ALDH1A2: variants seen among roughly 807,000 people sequenced by gnomAD.
ALDH1A2 encodes aldehyde dehydrogenase 1 family member A2.
A neutral mutation model predicts 60.3 loss-of-function variants in ALDH1A2; 27 were observed. That is an observed-to-expected ratio of 0.45 (90% confidence interval 0.33 to 0.62). The LOEUF is 0.62. ALDH1A2 is among the 20% of genes least tolerant of loss of function. ALDH1A2 has a pLI of 0.02. For synonymous variants in ALDH1A2, 289 were observed against 232.4 expected (o/e 1.24, Z -2.21); for missense variants, 581 against 643.8 (o/e 0.90, Z 1.06).
chr15:58,035,812 T>C (rs1896363848), intron 1 of ALDH1A2, among the ~76,000 whole-genome samples: 1 of 151,716 alleles, frequency 6.6e-6, no homozygotes, highest in African/African-American at 2.4e-5. Flanking sequence ...AAAGTGTGAT[T>C]TATACCCCAG....
intron 4 of ALDH1A2, among the ~76,000 whole-genome samples, chr15:58,010,003 C>T (rs902333908): frequency 2.0e-5 from 3 of 152,054 alleles, no homozygotes; most frequent in African/African-American, 4.8e-5. Flanking sequence ...AGGTAAAGTA[C>T]ACAACTTAGC....
At chr15:58,049,279 T>C (rs559217290) in intron 1 of ALDH1A2, among the ~76,000 whole-genome samples, 1 of 152,180 alleles carries the variant, frequency 6.6e-6, no homozygotes, top group Admixed American at 6.5e-5. Flanking sequence ...TCTTTATGGG[T>C]CATATTCCTA....
intron 1 of ALDH1A2, among the ~76,000 whole-genome samples, chr15:58,020,158 T>C (rs932643424): frequency 1.3e-5 from 2 of 152,208 alleles, no homozygotes; most frequent in African/African-American, 4.8e-5. Flanking sequence ...GGATATGATC[T>C]CATTCCTTTG....
chr15:57,987,649 G>A (rs1894747681), intron 7 of ALDH1A2, among the ~76,000 whole-genome samples: 1 of 152,162 alleles, frequency 6.6e-6, no homozygotes, highest in Non-Finnish European at 1.5e-5. Flanking sequence ...GGGAGGCCGA[G>A]GCGGGCGGAT....
At chr15:57,959,683 T>C (rs1305072407) in intron 12 of ALDH1A2, among the ~76,000 whole-genome samples, 2 of 152,148 alleles carry the variant, frequency 1.3e-5, no homozygotes, top group Non-Finnish European at 2.9e-5. Flanking sequence ...GGAGATGAGG[T>C]AACTGAGGCT....
chr15:58,000,290 C>T (rs7176918), intron 4 of ALDH1A2, among the ~76,000 whole-genome samples: 135,930 of 151,868 alleles, frequency 0.9, 61,896 homozygotes, highest in East Asian at 1. Flanking sequence ...ATCTGGGGTG[C>T]CTGACAAACA....
chr15:58,062,168 T>C (rs1397326728), intron 1 of ALDH1A2, among the ~76,000 whole-genome samples: 1 of 152,114 alleles, frequency 6.6e-6, no homozygotes, highest in South Asian at 2.1e-4. Flanking sequence ...ATGTTATAAA[T>C]ACCCTCTTCC....
At chr15:58,060,328 T>A (rs551809161) in intron 1 of ALDH1A2, among the ~76,000 whole-genome samples, 3 of 152,200 alleles carry the variant, frequency 2.0e-5, no homozygotes, top group Admixed American at 6.5e-5. Context: ...ATTTTGGCTA[T>A]CATTATATGC....
chr15:57,989,952 C>T (rs1360036621), intron 7 of ALDH1A2, among the ~76,000 whole-genome samples: 1 of 53,288 alleles, frequency 1.9e-5, no homozygotes, highest in East Asian at 4.0e-4. Flanking sequence ...GAGATTGCGT[C>T]ACTGCAGTCC....
At chr15:58,048,644 G>A (rs1329174990) in intron 1 of ALDH1A2, among the ~76,000 whole-genome samples, 1 of 151,982 alleles carries the variant, frequency 6.6e-6, no homozygotes, top group African/African-American at 2.4e-5. Flanking sequence ...GGTGACCTAT[G>A]ATGCAGACCT....
At chr15:58,009,482 T>C (rs1895560599) in intron 4 of ALDH1A2, among the ~76,000 whole-genome samples, 1 of 151,554 alleles carries the variant, frequency 6.6e-6, no homozygotes, top group Non-Finnish European at 1.5e-5. Context: ...CACTTCGAAG[T>C]CCTGAGCATT....
intron 7 of ALDH1A2, among the ~76,000 whole-genome samples, chr15:57,966,961 A>C (rs1893914972): frequency 6.6e-6 from 1 of 152,232 alleles, no homozygotes; most frequent in Admixed American, 6.5e-5. Flanking sequence ...TAGTCCATAG[A>C]GGCAATTTGG....
intron 7 of ALDH1A2, among the ~76,000 whole-genome samples, chr15:57,971,299 T>G (rs1160908901): frequency 2.6e-5 from 4 of 152,138 alleles, no homozygotes; most frequent in Non-Finnish European, 4.4e-5. Flanking sequence ...TAGCTTTCCT[T>G]CCCTACCCTC....
rs71297621 is a variant in ALDH1A2 at position 58,033,850 on chromosome 15, A to ATTTT, written c.118-19573_118-19570dup. On this transcript the variant is annotated intron_variant, in intron 1 of 12. Coordinates refer to ENST00000249750, the MANE Select transcript of ALDH1A2 (RefSeq NM_003888.4). ...TTCTCTATTTCACTTATTTTTCTGT[A>ATTTT]TTTTTTTTTTGCCAGTACCATACTA... 7.1e-3 allele frequency among the ~76,000 whole-genome samples: 1,041 copies of ATTTT among 146,158 alleles called. 10 individuals are homozygous for ATTTT. Among genetic ancestry groups the ATTTT allele is most frequent in the African/African-American group, 0.015 (596 of 40,098 alleles).
At chr15:57,967,115 G>A (rs1035689950) in intron 7 of ALDH1A2, among the ~76,000 whole-genome samples, 7 of 151,724 alleles carry the variant, frequency 4.6e-5, no homozygotes, top group East Asian at 1.9e-4. Context: ...TAACGACTTC[G>A]CAGGCAGCGG....
At chr15:58,036,358 A>G (rs1373936159) in intron 1 of ALDH1A2, among the ~76,000 whole-genome samples, 1 of 151,700 alleles carries the variant, frequency 6.6e-6, no homozygotes, top group Non-Finnish European at 1.5e-5. Context: ...TAGATGCATA[A>G]TGACAGAAAG....
intron 7 of ALDH1A2, among the ~76,000 whole-genome samples, chr15:57,974,405 C>G (rs558043236): frequency 6.9e-5 from 10 of 145,648 alleles, no homozygotes; most frequent in Non-Finnish European, 1.2e-4. Context: ...TGCACTCCAG[C>G]CTGGGTGACA....
chr15:58,024,053 A>G (rs1406976521), intron 1 of ALDH1A2, among the ~76,000 whole-genome samples: 1 of 152,214 alleles, frequency 6.6e-6, no homozygotes, highest in African/African-American at 2.4e-5. Flanking sequence ...AGATTGCACC[A>G]TTGCACTCCA....
chr15:57,997,643 A>G (rs1224272509), intron 4 of ALDH1A2, among the ~76,000 whole-genome samples: 2 of 151,996 alleles, frequency 1.3e-5, no homozygotes, highest in Non-Finnish European at 2.9e-5. Context: ...TTAGACATTT[A>G]GTTGTTTTAC....
Sources: gnomAD v4.1 joint callset for allele counts (sites outside exome capture counted in the v4.1 genomes callset) on GRCh38, gnomAD v4.1.1 for gene constraint, MANE v1.5 for transcripts, NCBI Gene and HGNC (gene_info 2026-07-23, HGNC 2026-07-21) for gene names.